The following EML4 variants were observed in gnomAD, a reference collection of about 807,000 sequenced individuals.
EML4 encodes EMAP like 4.
EML4 carries 72 observed loss-of-function variants against 129.0 expected under a neutral mutation model. The observed-to-expected ratio is 0.56, with a 90% CI of 0.46 to 0.68. EML4 has a LOEUF of 0.68. Among genes scored for constraint, EML4 ranks in the 30% least tolerant of loss-of-function variants. The pLI, the probability that EML4 is intolerant of heterozygous loss-of-function variation, is 0.00. For missense variants in EML4, 1,363 were observed against 1,190.6 expected (o/e 1.14, Z -2.13); for synonymous variants, 532 against 405.0 (o/e 1.31, Z -3.77).
intron 1 of EML4, among the ~76,000 whole-genome samples, chr2:42,177,708 G>A (rs1191418010): frequency 2.0e-5 from 3 of 152,046 alleles, no homozygotes; most frequent in Admixed American, 2.0e-4. Flanking sequence ...GACTTTATTG[G>A]GAATCTGATA....
At chr2:42,227,279 G>T (rs1046628416) in intron 1 of EML4, among the ~76,000 whole-genome samples, 13 of 151,614 alleles carry the variant, frequency 8.6e-5, no homozygotes, top group East Asian at 1.9e-4. Context: ...CATACACCTG[G>T]TTTTTTTTAA....
chr2:42,222,406 G>T (rs958650734), intron 1 of EML4, among the ~76,000 whole-genome samples: 5 of 152,044 alleles, frequency 3.3e-5, no homozygotes, highest in African/African-American at 1.2e-4. Context: ...AATATTTCAT[G>T]ACTCATTAAA....
intron 17 of EML4, among the ~76,000 whole-genome samples, chr2:42,309,934 A>G (rs750773216): frequency 2.8e-4 from 42 of 152,070 alleles, no homozygotes; most frequent in Admixed American, 2.0e-3. Flanking sequence ...ATTTACTTCT[A>G]TGTTTTCTTC....
intron 2 of EML4, among the ~76,000 whole-genome samples, chr2:42,249,613 T>C (rs556413669): frequency 6.6e-6 from 1 of 152,344 alleles, no homozygotes; most frequent in East Asian, 1.9e-4. Flanking sequence ...TTAATGAAAT[T>C]CTGCTACGTT....
intron 13 of EML4, among the ~76,000 whole-genome samples, chr2:42,300,501 G>A (rs1668221991): frequency 6.6e-6 from 1 of 152,120 alleles, no homozygotes; most frequent in African/African-American, 2.4e-5. Context: ...AGAAAACTGG[G>A]CTGTTATTTA....
chr2:42,275,103 G>C (rs1043833496), intron 6 of EML4, among the ~76,000 whole-genome samples: 1 of 152,024 alleles, frequency 6.6e-6, no homozygotes, highest in Admixed American at 6.6e-5. Context: ...AATGTATAAC[G>C]CATATGTAAT....
chr2:42,220,902 G>C (rs889807695), intron 1 of EML4, among the ~76,000 whole-genome samples: 1 of 152,190 alleles, frequency 6.6e-6, no homozygotes, highest in African/African-American at 2.4e-5. Flanking sequence ...TTAAGCCAAA[G>C]CCTAATCCAG....
chr2:42,169,432 GTTCGGGCGGCCGCGGC>G lies in EML4; in HGVS notation c.-177_-162del. The G allele has an allele frequency of 1.8e-6, 1 of 562,278 alleles. No individual in the cohort carries two copies. The highest frequency in any genetic ancestry group is 3.0e-6 in the Non-Finnish European group (1 of 336,424). 34.8% of individuals were successfully genotyped at this position (562,278 alleles called of 1,614,324 possible). On this transcript the variant is annotated 5_prime_UTR_variant, in exon 1 of 23. Coordinates refer to ENST00000318522, the MANE Select transcript of EML4 (RefSeq NM_019063.5). ...CGGCTCTCAACGTGACGGGGAAGTG[GTTCGGGCGGCCGCGGC>G]TTACTACCCCAGGGCGAACGGACGG...
intron 1 of EML4, among the ~76,000 whole-genome samples, chr2:42,175,653 C>T (rs1333190631): frequency 5.9e-5 from 9 of 152,128 alleles, no homozygotes; most frequent in South Asian, 2.1e-4. Flanking sequence ...TGTGCACCAC[C>T]GCACCCAGCT....
At chr2:42,183,454 T>G (rs1036623159) in intron 1 of EML4, among the ~76,000 whole-genome samples, 1 of 152,228 alleles carries the variant, frequency 6.6e-6, no homozygotes, top group African/African-American at 2.4e-5. Flanking sequence ...TATGGTTATG[T>G]CAGATTATAC....
At chr2:42,244,422 G>T (rs1675252389) in intron 1 of EML4, among the ~76,000 whole-genome samples, 1 of 152,024 alleles carries the variant, frequency 6.6e-6, no homozygotes, top group South Asian at 2.1e-4. Context: ...TATATGTTTG[G>T]ATTCTTATTG....
chr2:42,299,717 T>G (rs1668172414), intron 13 of EML4, among the ~76,000 whole-genome samples: 1 of 152,202 alleles, frequency 6.6e-6, no homozygotes, highest in Non-Finnish European at 1.5e-5. Flanking sequence ...GAGATGGAGT[T>G]TCACTCTTGT....
chr2:42,265,528 C>G (rs1158047003), intron 6 of EML4, among the ~76,000 whole-genome samples: 1 of 152,180 alleles, frequency 6.6e-6, no homozygotes, highest in Non-Finnish European at 1.5e-5. Context: ...GCATGAGCCA[C>G]CACACTTGGC....
At chr2:42,246,929 C>G (rs909504503) in intron 2 of EML4, among the ~76,000 whole-genome samples, 3 of 152,124 alleles carry the variant, frequency 2.0e-5, no homozygotes, top group Non-Finnish European at 1.5e-5. Context: ...AACTGCAAAT[C>G]AAATACCAGT....
In EML4 at chr2:42,325,639, T is replaced by TATATGC. The variant is rs1483325772; in HGVS notation, c.2242+85_2242+86insATATGC. 5.1e-5 allele frequency: 10 copies of TATATGC among 197,938 alleles called. No homozygotes were observed. The East Asian group carries it at 1.2e-3, about 24-fold the overall frequency. The allele number at this position is 197,938 out of a possible 1,614,324, so 12.3% of individuals were successfully genotyped here. ...ATATATATATATATATATATATATA[T>TATATGC]GCTAAGATGTGTCTGTCAGGGGCGC... On this transcript the variant is annotated intron_variant, in intron 20 of 22. Coordinates refer to ENST00000318522, the MANE Select transcript of EML4 (RefSeq NM_019063.5).
At chr2:42,228,842 C>T (rs915604088) in intron 1 of EML4, among the ~76,000 whole-genome samples, 32 of 152,178 alleles carry the variant, frequency 2.1e-4, no homozygotes, top group African/African-American at 7.5e-4. Flanking sequence ...TAAATCCTAA[C>T]AATGCATGGT....
intron 1 of EML4, among the ~76,000 whole-genome samples, chr2:42,191,455 TC>T (rs1333428373): frequency 6.6e-6 from 1 of 152,122 alleles, no homozygotes; most frequent in Non-Finnish European, 1.5e-5. Flanking sequence ...CAAAATTTCA[TC>T]CCCCTGTTAA....
intron 1 of EML4, among the ~76,000 whole-genome samples, chr2:42,211,108 T>A (rs181234055): frequency 6.6e-6 from 1 of 152,200 alleles, no homozygotes; most frequent in Non-Finnish European, 1.5e-5. Flanking sequence ...TAACATTGAT[T>A]GAAATACCTA....
intron 1 of EML4, among the ~76,000 whole-genome samples, chr2:42,230,201 G>C (rs1428640999): frequency 1.3e-5 from 2 of 152,216 alleles, no homozygotes; most frequent in East Asian, 3.9e-4. Context: ...ATCAACCACT[G>C]TTTGGAGAGT....
Sources: allele counts gnomAD v4.1 joint callset (sites outside exome capture counted in the v4.1 genomes callset), GRCh38; gene constraint gnomAD v4.1.1; transcripts MANE v1.5; gene names NCBI Gene and HGNC (gene_info 2026-07-23, HGNC 2026-07-21).